NRG1: variants seen among roughly 807,000 people sequenced by gnomAD.
The protein encoded by NRG1 is neuregulin 1.
NRG1 carries 18 observed loss-of-function variants against 63.8 expected under a neutral mutation model. That is an observed-to-expected ratio of 0.28 (90% CI 0.19 to 0.42). The LOEUF (loss-of-function observed/expected upper bound fraction) is 0.42. Ranked by LOEUF, NRG1 falls within the 10% of genes least tolerant of loss-of-function variation. The pLI is 1.00. For synonymous variants in NRG1, 302 were observed against 301.3 expected, an observed-to-expected ratio of 1.00 and a Z score of -0.02; for missense variants, 762 against 814.7, an observed-to-expected ratio of 0.94 and a Z score of 0.79.
chr8:32,749,730 C>A, intron 7 of NRG1: 2 of 748,264 alleles, frequency 2.7e-6, no homozygotes, highest in Non-Finnish European at 4.5e-6. Context: ...AATGATTTCT[C>A]TGCCTTCAAT....
chr8:32,068,322 A>T (rs185230688), intron 1 of NRG1, among the ~76,000 whole-genome samples: 95 of 152,320 alleles, frequency 6.2e-4, no homozygotes, highest in African/African-American at 2.2e-3. Context: ...TAGTAATTGC[A>T]AAAGCAGTGG....
At chr8:32,769,044 T>C (rs1459811311), downstream of NRG1, among the ~76,000 whole-genome samples, 1 of 152,182 alleles carries the variant, frequency 6.6e-6, no homozygotes, top group East Asian at 1.9e-4. Flanking sequence ...TTCATGCACA[T>C]ACAAACACAG....
At position 32,760,212 on chromosome 8, in the gene NRG1, A is replaced by T. The variant is rs981753883; in HGVS notation, c.1065A>T (p.Gly355=). The change falls in exon 11 of 12, where the codon GGA becomes GGT. Residue 355 remains glycine, a synonymous_variant. Transcript: ENST00000356819. ...ATTTCCTCCGCAGCTGGAGCAACGGACACACTGAAAGCATCCTTTCCGAAA... is the reference window on the plus strand; with the variant it reads ...ATTTCCTCCGCAGCTGGAGCAACGGTCACACTGAAAGCATCCTTTCCGAAA... 3.7e-6 allele frequency: 6 copies of T among 1,613,872 alleles called. No homozygotes were observed. The African/African-American group carries it at 8.0e-5, about 22-fold the overall frequency.
rs923023264 is a variant in NRG1, at chr8:31,840,581, C to T, written c.37+201150C>T. Among the ~76,000 whole-genome samples the T allele has an allele frequency of 2.6e-5, 4 of 152,130 alleles. No homozygotes were observed. The South Asian group carries it at 6.2e-4, about 24-fold the overall frequency. ...TCGCACTAGTTAGTTATGCGTGGTA[C>T]TTGATCCATAATCTTCTGCCCCCAT... is the stretch of plus-strand genomic sequence containing the variant. On this transcript the variant is annotated intron_variant, in intron 1 of 10. Transcript: ENST00000519301.
At chr8:32,218,689 G>A (rs1049593166) in intron 1 of NRG1, among the ~76,000 whole-genome samples, 7 of 152,196 alleles carry the variant, frequency 4.6e-5, no homozygotes, top group African/African-American at 1.7e-4. Context: ...AATGATGACT[G>A]TTGTTCTTTC....
At chr8:32,741,522 A>G (rs778158184) in intron 6 of NRG1, among the ~76,000 whole-genome samples, 2 of 152,200 alleles carry the variant, frequency 1.3e-5, no homozygotes, top group Admixed American at 6.6e-5. Flanking sequence ...CTTGACTTCT[A>G]TTGTTTAATG....
chr8:32,135,855 G>T (rs1327604547), intron 1 of NRG1, among the ~76,000 whole-genome samples: 1 of 151,882 alleles, frequency 6.6e-6, no homozygotes, highest in African/African-American at 2.4e-5. Context: ...CAGAGCCCAG[G>T]GGTACTCTTA....
intron 1 of NRG1, among the ~76,000 whole-genome samples, chr8:32,079,301 A>G (rs557710814): frequency 6.6e-6 from 1 of 152,168 alleles, no homozygotes; most frequent in African/African-American, 2.4e-5. Context: ...GATAAAGCAG[A>G]TATTATAATT....
At chr8:32,674,821 C>G (rs1806633378) in intron 5 of NRG1, among the ~76,000 whole-genome samples, 1 of 152,142 alleles carries the variant, frequency 6.6e-6, no homozygotes, top group Non-Finnish European at 1.5e-5. Context: ...AACTAGGACT[C>G]AGAGATGTGA....
intron 1 of NRG1, among the ~76,000 whole-genome samples, chr8:32,401,320 A>C (rs1445513604): frequency 2.0e-5 from 3 of 152,106 alleles, no homozygotes; most frequent in Non-Finnish European, 1.5e-5. Flanking sequence ...AAATACATAA[A>C]AATTTAAAAA....
intron 1 of NRG1, among the ~76,000 whole-genome samples, chr8:32,572,812 A>G (rs1563677436): frequency 6.6e-6 from 1 of 152,182 alleles, no homozygotes; most frequent in Non-Finnish European, 1.5e-5. Context: ...ACAAAGTCAC[A>G]GTTTGGGTGA....
At chr8:32,716,232 A>G (rs1008897206) in intron 5 of NRG1, among the ~76,000 whole-genome samples, 52 of 152,236 alleles carry the variant, frequency 3.4e-4, no homozygotes, top group Admixed American at 3.3e-3. Context: ...CATATTTTGC[A>G]TTACAAAGTG....
At chr8:31,857,197 C>T (rs1322620021) in intron 1 of NRG1, among the ~76,000 whole-genome samples, 9 of 152,178 alleles carry the variant, frequency 5.9e-5, no homozygotes, top group African/African-American at 1.4e-4. Context: ...CAATGGCGGG[C>T]GCCCCTCCCC....
At chr8:32,099,936 A>G (rs968187193) in intron 1 of NRG1, among the ~76,000 whole-genome samples, 1 of 152,120 alleles carries the variant, frequency 6.6e-6, no homozygotes, top group Admixed American at 6.6e-5. Flanking sequence ...AGGGGGGAAC[A>G]TGGACTGGAG....
At chr8:32,115,233 G>A (rs1387862100) in intron 1 of NRG1, among the ~76,000 whole-genome samples, 2 of 151,804 alleles carry the variant, frequency 1.3e-5, no homozygotes, top group South Asian at 2.1e-4. Flanking sequence ...GTTTCATCAC[G>A]TTGGCCAGGC....
intron 1 of NRG1, among the ~76,000 whole-genome samples, chr8:32,204,927 C>T (rs918178550): frequency 2.0e-5 from 3 of 152,084 alleles, no homozygotes; most frequent in African/African-American, 4.8e-5. Flanking sequence ...ATCACCACAG[C>T]GGTAGTTCTA....
intron 1 of NRG1, among the ~76,000 whole-genome samples, chr8:31,649,821 C>A (rs1036181708): frequency 4.2e-4 from 64 of 152,072 alleles, no homozygotes; most frequent in African/African-American, 1.4e-3. Context: ...CAGAAAGGAA[C>A]CTTATCATAC....
chr8:32,544,969 G>T (rs937070824), upstream of NRG1, among the ~76,000 whole-genome samples: 4 of 151,942 alleles, frequency 2.6e-5, no homozygotes, highest in Non-Finnish European at 5.9e-5. Context: ...TTTTAAAAAA[G>T]TAATCTTTGT....
Position 32,671,212 on chromosome 8 carries a change from G to C in NRG1, c.502+54327G>C, listed in dbSNP as rs2128894706. Among the ~76,000 whole-genome samples, 3 of 151,714 alleles carry C rather than the reference G, an allele frequency of 2.0e-5. No individual in the cohort carries two copies. In the South Asian group the frequency reaches 6.2e-4, roughly 32 times the overall value. Reference sequence around the variant, plus strand: ...TTTTGACTAATGGATGTTGGAAGGAGCTCAGTGACAAAGGCCAGGGATTAT... The same window carrying C: ...TTTTGACTAATGGATGTTGGAAGGACCTCAGTGACAAAGGCCAGGGATTAT... On this transcript the variant is annotated intron_variant, in intron 5 of 11. Coordinates refer to ENST00000356819, the Ensembl canonical transcript of NRG1.
Sources: allele counts gnomAD v4.1 joint callset (sites outside exome capture counted in the v4.1 genomes callset), GRCh38; gene constraint gnomAD v4.1.1; transcripts MANE v1.5; gene names NCBI Gene and HGNC (gene_info 2026-07-23, HGNC 2026-07-21).